TRIO: variants seen among roughly 807,000 people sequenced by gnomAD.
The protein encoded by TRIO is triple functional domain protein.
TRIO carries 58 observed loss-of-function variants against 351.9 expected under a neutral mutation model. The ratio of observed to expected loss-of-function variants is 0.16; its 90% CI spans 0.13 to 0.21. The LOEUF (loss-of-function observed/expected upper bound fraction) is 0.21, where lower values mean the gene tolerates loss of function less well. Ranked by LOEUF, TRIO falls within the 10% of genes least tolerant of loss-of-function variation. The pLI, the probability that TRIO is intolerant of heterozygous loss-of-function variation, is 1.00. For synonymous variants in TRIO, 1,758 were observed against 1,595.7 expected (o/e 1.10, Z -2.42); for missense variants, 3,201 against 4,027.8 (o/e 0.79, Z 5.56).
intron 11 of TRIO, among the ~76,000 whole-genome samples, chr5:14,340,345 C>T (rs933073573): frequency 2.7e-4 from 39 of 147,112 alleles, no homozygotes; most frequent in African/African-American, 7.6e-5. Flanking sequence ...TGCAGTGAGC[C>T]GAGATTGTGC....
At chr5:14,376,694 G>A (rs1015092020) in intron 19 of TRIO, among the ~76,000 whole-genome samples, 3 of 152,138 alleles carry the variant, frequency 2.0e-5, no homozygotes, top group South Asian at 4.2e-4. Context: ...TCTAACCAGC[G>A]CTTCAGTGTT....
intron 27 of TRIO, among the ~76,000 whole-genome samples, chr5:14,393,015 C>G (rs1747236037): frequency 6.6e-6 from 1 of 151,242 alleles, no homozygotes; most frequent in African/African-American, 2.4e-5. Flanking sequence ...CCACTGCATT[C>G]CAGTCTGGGC....
chr5:14,181,350 G>A (rs1192010891), intron 1 of TRIO, among the ~76,000 whole-genome samples: 1 of 152,172 alleles, frequency 6.6e-6, no homozygotes, highest in South Asian at 2.1e-4. Flanking sequence ...AACTAAAATT[G>A]TTGTGGGCTG....
intron 20 of TRIO, among the ~76,000 whole-genome samples, chr5:14,380,610 ATTTTTTGTT>A (rs1254632223): frequency 2.1e-5 from 3 of 142,260 alleles, no homozygotes; most frequent in Admixed American, 7.3e-5. Context: ...AACTCAAACT[ATTTTTTGTT>A]TTTTTTGTGG....
rs373335645 is a variant in TRIO at position 14,378,036 on chromosome 5, G to A, written c.3356G>A (p.Arg1119Gln). The change falls in exon 20 of 57, where the codon CGG becomes CAG. Residue 1119 changes from arginine (R) to glutamine (Q), a missense_variant. This residue lies in a region of TRIO where 201 missense variants were observed against 266.5 expected (regional missense o/e 0.75). Coordinates refer to ENST00000344204, the MANE Select transcript of TRIO (RefSeq NM_007118.4). ...GATATCTTGAATGAACTCTTCCAACGGGAGAACAGGGTATTGCATTACTGG... is the reference window on the plus strand; with the variant it reads ...GATATCTTGAATGAACTCTTCCAACAGGAGAACAGGGTATTGCATTACTGG... ...VKNILNELFQ[R>Q]ENRVLHYWTM... is the part of the protein sequence containing the mutation. 5 of 1,612,986 alleles carry A rather than the reference G, an allele frequency of 3.1e-6. No individual in the cohort carries two copies. The highest frequency in any genetic ancestry group is 1.3e-5 in the African/African-American group (1 of 74,990).
intron 21 of TRIO, among the ~76,000 whole-genome samples, chr5:14,384,158 C>T (rs1354579272): frequency 2.0e-5 from 3 of 152,262 alleles, no homozygotes; most frequent in Admixed American, 6.5e-5. Flanking sequence ...GTGAGGCCTG[C>T]GGATGAGCAT....
At chr5:14,169,026 T>C (rs1321867170) in intron 1 of TRIO, among the ~76,000 whole-genome samples, 1 of 152,202 alleles carries the variant, frequency 6.6e-6, no homozygotes, top group Non-Finnish European at 1.5e-5. Flanking sequence ...GGGGATTAGT[T>C]TTTTGACTAC....
At chr5:14,468,689 C>A (rs543597628) in intron 37 of TRIO, among the ~76,000 whole-genome samples, 26 of 152,332 alleles carry the variant, frequency 1.7e-4, no homozygotes, top group African/African-American at 6.3e-4. Flanking sequence ...CCTTAAGCAT[C>A]CACATGTGTT....
intron 11 of TRIO, among the ~76,000 whole-genome samples, chr5:14,343,089 CAAAA>C (rs34378604): frequency 1.9e-4 from 26 of 135,542 alleles, no homozygotes; most frequent in Non-Finnish European, 2.7e-4. Flanking sequence ...CAGAAAGTTG[CAAAA>C]AAAAAAAAAA....
At chr5:14,324,240 T>A (rs948594414) in intron 9 of TRIO, among the ~76,000 whole-genome samples, 2 of 152,228 alleles carry the variant, frequency 1.3e-5, no homozygotes, top group Non-Finnish European at 2.9e-5. Context: ...AAGAACAAAT[T>A]CAGAGTATTT....
chr5:14,182,118 A>AT (rs1789815218), intron 1 of TRIO, among the ~76,000 whole-genome samples: 1 of 149,450 alleles, frequency 6.7e-6, no homozygotes, highest in African/African-American at 2.5e-5. Flanking sequence ...TTTTCTTTTC[A>AT]TCCAACACAG....
intron 1 of TRIO, among the ~76,000 whole-genome samples, chr5:14,191,495 A>G (rs1034855373): frequency 6.7e-6 from 1 of 150,326 alleles, no homozygotes; most frequent in Non-Finnish European, 1.5e-5. Flanking sequence ...GTCACTCCAT[A>G]CACTCCAGCC....
At chr5:14,250,031 C>T (rs1303879990) in intron 1 of TRIO, among the ~76,000 whole-genome samples, 1 of 152,188 alleles carries the variant, frequency 6.6e-6, no homozygotes, top group African/African-American at 2.4e-5. Context: ...TTAGAGAAGT[C>T]CAGGCTGCTT....
At chr5:14,244,812 G>A (rs934782725) in intron 1 of TRIO, among the ~76,000 whole-genome samples, 2 of 152,158 alleles carry the variant, frequency 1.3e-5, no homozygotes, top group Non-Finnish European at 1.5e-5. Flanking sequence ...GTGAGGATTG[G>A]GTCAGGCTCA....
At position 14,308,974 on chromosome 5, in the gene TRIO, A is replaced by G. The variant is rs986759638; in HGVS notation, c.1500+4382A>G. 4.6e-5 allele frequency among the ~76,000 whole-genome samples: 7 copies of G among 150,562 alleles called. No individual in the cohort carries two copies. The East Asian group carries it at 1.4e-3, about 30-fold the overall frequency. On this transcript the variant is annotated intron_variant, in intron 8 of 56. Transcript: ENST00000344204. ...ACCTATCCATACACCCAGTCACCCAACTGTCCATCGCCACCTCATCACCCA... is the reference window on the plus strand; with the variant it reads ...ACCTATCCATACACCCAGTCACCCAGCTGTCCATCGCCACCTCATCACCCA...
At chr5:14,202,787 G>A (rs1791219047) in intron 1 of TRIO, among the ~76,000 whole-genome samples, 1 of 150,520 alleles carries the variant, frequency 6.6e-6, no homozygotes, top group Non-Finnish European at 1.5e-5. Flanking sequence ...AGTGAGACAT[G>A]CCTTTCACCT....
At chr5:14,454,357 T>C (rs902995593) in intron 34 of TRIO, among the ~76,000 whole-genome samples, 1 of 152,218 alleles carries the variant, frequency 6.6e-6, no homozygotes, top group African/African-American at 2.4e-5. Flanking sequence ...AGCAAAGCAG[T>C]AACACAAGTG....
intron 8 of TRIO, 98 bp downstream of exon 8, chr5:14,304,690 A>G: frequency 7.2e-7 from 1 of 1,382,674 alleles, no homozygotes. Flanking sequence ...AGCCCAGAAA[A>G]AGTTTATAGA....
At chr5:14,163,316 C>G (rs1394656287) in intron 1 of TRIO, among the ~76,000 whole-genome samples, 1 of 152,162 alleles carries the variant, frequency 6.6e-6, no homozygotes, top group Non-Finnish European at 1.5e-5. Flanking sequence ...TGATGGCTTC[C>G]CACTTCATCC....
Sources: gnomAD v4.1 joint callset for allele counts (sites outside exome capture counted in the v4.1 genomes callset) on GRCh38, gnomAD v4.1.1 for gene constraint, gnomAD v4.1.1 regional missense constraint, MANE v1.5 for transcripts, NCBI Gene and HGNC (gene_info 2026-07-23, HGNC 2026-07-21) for gene names.